Variants in GALNTL6 observed in about 807,000 individuals in gnomAD.
The protein encoded by GALNTL6 is polypeptide N-acetylgalactosaminyltransferase-like 6.
GALNTL6 carries 46 observed loss-of-function variants against 73.7 expected under a neutral mutation model. The observed-to-expected ratio is 0.62, with a 90% confidence interval of 0.49 to 0.80. The LOEUF (loss-of-function observed/expected upper bound fraction) is 0.80, where lower values mean the gene tolerates loss of function less well. Among genes scored for constraint, GALNTL6 ranks in the 30% least tolerant of loss-of-function variants. The pLI, the probability that GALNTL6 is intolerant of heterozygous loss-of-function variation, is 0.00. For missense variants in GALNTL6, 604 were observed against 755.0 expected (o/e 0.80, Z 2.34); for synonymous variants, 259 against 263.7 (o/e 0.98, Z 0.17).
chr4:172,641,687 A>G (rs1167703483), intron 5 of GALNTL6, among the ~76,000 whole-genome samples: 3 of 152,036 alleles, frequency 2.0e-5, no homozygotes, highest in Admixed American at 1.3e-4. Context: ...TTCTTTATTC[A>G]TGACATTACT....
chr4:172,572,844 C>T (rs927823631), intron 5 of GALNTL6, among the ~76,000 whole-genome samples: 1 of 152,004 alleles, frequency 6.6e-6, no homozygotes, highest in Non-Finnish European at 1.5e-5. Context: ...TTATGTTGTA[C>T]CTGTTGCTTT....
chr4:172,399,920 T>C (rs1467729800), intron 5 of GALNTL6, among the ~76,000 whole-genome samples: 1 of 152,172 alleles, frequency 6.6e-6, no homozygotes, highest in African/African-American at 2.4e-5. Context: ...TATCTTCATA[T>C]AGGTACTTAA....
At chr4:171,919,032 A>G (rs1052476784) in intron 2 of GALNTL6, among the ~76,000 whole-genome samples, 2 of 152,172 alleles carry the variant, frequency 1.3e-5, no homozygotes, top group African/African-American at 4.8e-5. Flanking sequence ...ATAAAGTTGC[A>G]GTCAAGCAAG....
intron 2 of GALNTL6, among the ~76,000 whole-genome samples, chr4:171,838,077 G>C (rs1735146425): frequency 6.6e-6 from 1 of 150,590 alleles, no homozygotes; most frequent in Non-Finnish European, 1.5e-5. Context: ...CTTTATTGTG[G>C]GTTTAAAAGT....
chr4:172,675,934 G>A (rs1732279524), intron 5 of GALNTL6, among the ~76,000 whole-genome samples: 1 of 151,964 alleles, frequency 6.6e-6, no homozygotes, highest in Non-Finnish European at 1.5e-5. Flanking sequence ...TCCTCAAATT[G>A]GATTCCTTAA....
intron 5 of GALNTL6, among the ~76,000 whole-genome samples, chr4:172,768,955 C>T (rs1290648891): frequency 6.6e-6 from 1 of 152,052 alleles, no homozygotes; most frequent in Admixed American, 6.6e-5. Flanking sequence ...GATACTTCTG[C>T]TTGGAGGAAA....
At chr4:172,489,511 G>A (rs1219160437) in intron 5 of GALNTL6, among the ~76,000 whole-genome samples, 4 of 152,174 alleles carry the variant, frequency 2.6e-5, no homozygotes. Flanking sequence ...GAATAGTTAT[G>A]ATATGTGTAT....
chr4:172,823,895 T>TCCTTTTCTA (rs1742079801), intron 7 of GALNTL6, among the ~76,000 whole-genome samples: 1 of 152,172 alleles, frequency 6.6e-6, no homozygotes, highest in Non-Finnish European at 1.5e-5. Flanking sequence ...TTCAGTTCTG[T>TCCTTTTCTA]CCTTTTCTAA....
chr4:172,075,114 T>C (rs1042039038), intron 2 of GALNTL6, among the ~76,000 whole-genome samples: 5 of 152,240 alleles, frequency 3.3e-5, no homozygotes, highest in Non-Finnish European at 7.3e-5. Context: ...AATCGCCATG[T>C]TATAATTCTA....
chr4:172,612,055 T>C (rs1324341694), intron 5 of GALNTL6, among the ~76,000 whole-genome samples: 1 of 152,058 alleles, frequency 6.6e-6, no homozygotes, highest in Non-Finnish European at 1.5e-5. Context: ...AGGAGGAAGA[T>C]AAAGCATAAA....
At chr4:172,053,252 G>T (rs1667175749) in intron 2 of GALNTL6, among the ~76,000 whole-genome samples, 2 of 152,122 alleles carry the variant, frequency 1.3e-5, no homozygotes. Flanking sequence ...GCTTTTTGAG[G>T]ATTTCTTTGT....
rs376728547 is a variant in GALNTL6 at position 172,311,678 on chromosome 4, G to A, written c.312G>A (p.Arg104=). 1.9e-5 allele frequency: 30 copies of A among 1,611,204 alleles called. No individual in the cohort carries two copies. The highest frequency in any genetic ancestry group is 2.5e-5 in the Non-Finnish European group (30 of 1,178,218). The change falls in exon 4 of 13, where the codon AGG becomes AGA. Residue 104 remains arginine (R), a synonymous_variant. Transcript: ENST00000506823. The part of the protein sequence containing the change: ...TEEDHDDSAY[R]ENGFNIFVSN... ...AGGACCATGATGACTCAGCTTACAGGGAAAATGGTTTTAATATTTTCGTCA... is the reference window on the plus strand; with the variant it reads ...AGGACCATGATGACTCAGCTTACAGAGAAAATGGTTTTAATATTTTCGTCA...
intron 5 of GALNTL6, among the ~76,000 whole-genome samples, chr4:172,484,110 T>G (rs954169655): frequency 6.6e-6 from 1 of 152,194 alleles, no homozygotes; most frequent in South Asian, 2.1e-4. Flanking sequence ...AACATACTCC[T>G]TGTTTTGAAA....
intron 8 of GALNTL6, among the ~76,000 whole-genome samples, chr4:172,904,687 T>C (rs190680649): frequency 2.0e-5 from 3 of 152,324 alleles, no homozygotes; most frequent in Admixed American, 2.0e-4. Context: ...TAGTTACTTA[T>C]TTTTAGCCAC....
At chr4:171,909,239 AT>A (rs1277216405) in intron 2 of GALNTL6, among the ~76,000 whole-genome samples, 1 of 151,982 alleles carries the variant, frequency 6.6e-6, no homozygotes, top group Non-Finnish European at 1.5e-5. Context: ...ATCATTAACT[AT>A]TTTGTGCAAC....
intron 5 of GALNTL6, among the ~76,000 whole-genome samples, chr4:172,782,917 C>T (rs193107744): frequency 4.6e-5 from 7 of 152,146 alleles, no homozygotes; most frequent in Admixed American, 4.6e-4. Context: ...TTTCGAAGAG[C>T]TTGTTATGCA....
intron 3 of GALNTL6, among the ~76,000 whole-genome samples, chr4:172,249,408 T>G (rs1221243550): frequency 6.6e-6 from 1 of 152,206 alleles, no homozygotes; most frequent in African/African-American, 2.4e-5. Flanking sequence ...GATGATGTGA[T>G]AGAAAAGAAA....
At position 172,461,472 on chromosome 4, in the gene GALNTL6, A is replaced by T. The variant is rs539498033; in HGVS notation, c.553+112783A>T. 7.2e-5 allele frequency among the ~76,000 whole-genome samples: 11 copies of T among 152,328 alleles called. No homozygotes were observed. The South Asian group carries it at 2.1e-3, about 29-fold the overall frequency. ...AATGTCTGGTTGGACCACAGAACTTACTAATTACTCTTATCTTTTAGGCAT... is the reference window on the plus strand; with the variant it reads ...AATGTCTGGTTGGACCACAGAACTTTCTAATTACTCTTATCTTTTAGGCAT... On this transcript the variant is annotated intron_variant, in intron 5 of 12. Transcript: ENST00000506823.
chr4:172,849,936 A>T (rs1213860051), intron 7 of GALNTL6, among the ~76,000 whole-genome samples: 1 of 152,134 alleles, frequency 6.6e-6, no homozygotes, highest in African/African-American at 2.4e-5. Flanking sequence ...CACTTGGCAA[A>T]AATGTCACTT....
Sources: allele counts gnomAD v4.1 joint callset (sites outside exome capture counted in the v4.1 genomes callset), GRCh38; gene constraint gnomAD v4.1.1; transcripts MANE v1.5; gene names NCBI Gene and HGNC (gene_info 2026-07-23, HGNC 2026-07-21).